SLCO1B3: variants seen among roughly 807,000 people sequenced by gnomAD.
SLCO1B3 encodes solute carrier organic anion transporter family member 1B3.
In SLCO1B3, 72 loss-of-function variants were observed where a neutral mutation model predicts 71.8. The observed-to-expected ratio is 1.00, with a 90% CI of 0.83 to 1.22. SLCO1B3 has a LOEUF of 1.22. Ranked by LOEUF, SLCO1B3 falls within the 50% of genes most tolerant of loss-of-function variation. SLCO1B3 has a pLI of 0.00. For missense variants in SLCO1B3, 911 were observed against 819.7 expected (o/e 1.11, Z -1.36); for synonymous variants, 298 against 278.4 (o/e 1.07, Z -0.70).
chr12:20,856,366 T>C (rs926805126), intron 4 of SLCO1B3, among the ~76,000 whole-genome samples: 4 of 152,140 alleles, frequency 2.6e-5, no homozygotes, highest in Admixed American at 2.0e-4. Flanking sequence ...CACCCACGGA[T>C]GCAAGTCACA....
At chr12:20,890,875 C>A (rs770785926) in intron 13 of SLCO1B3, among the ~76,000 whole-genome samples, 1 of 152,018 alleles carries the variant, frequency 6.6e-6, no homozygotes, top group African/African-American at 2.4e-5. Context: ...TCTTTTTGCA[C>A]CCCTTTGGTT....
intron 9 of SLCO1B3, among the ~76,000 whole-genome samples, chr12:20,876,944 C>T (rs539032743): frequency 6.6e-6 from 1 of 152,082 alleles, no homozygotes; most frequent in Non-Finnish European, 1.5e-5. Context: ...AATTCTCCTG[C>T]CTCAGCCTCC....
chr12:20,896,077 C>G (rs981451571), intron 13 of SLCO1B3, among the ~76,000 whole-genome samples: 3 of 152,190 alleles, frequency 2.0e-5, no homozygotes, highest in Admixed American at 6.5e-5. Context: ...CTGCACATAG[C>G]ACAGGGACCC....
At chr12:20,912,307 TTATTTATTTA>T (rs1311160784) in intron 15 of SLCO1B3, among the ~76,000 whole-genome samples, 2 of 14,602 alleles carry the variant, frequency 1.4e-4, no homozygotes, top group Non-Finnish European at 5.6e-3. Context: ...TTATTTTTAT[TTATTTATTTA>T]TTTATTTATT....
chr12:20,848,639 A>G (rs1468189082), intron 3 of SLCO1B3, among the ~76,000 whole-genome samples: 1 of 152,052 alleles, frequency 6.6e-6, no homozygotes. Context: ...AAACAATGTA[A>G]TTTTTTTTAG....
chr12:20,844,188 A>G (rs1399844643), intron 3 of SLCO1B3, among the ~76,000 whole-genome samples: 2 of 152,020 alleles, frequency 1.3e-5, no homozygotes, highest in Non-Finnish European at 2.9e-5. Flanking sequence ...TGTATACCTT[A>G]AACTTAAAGA....
intron 3 of SLCO1B3, among the ~76,000 whole-genome samples, chr12:20,841,736 C>T (rs1864806804): frequency 6.6e-6 from 1 of 152,156 alleles, no homozygotes; most frequent in Non-Finnish European, 1.5e-5. Flanking sequence ...CTACCCTCCA[C>T]CCTCAAGTAG....
At chr12:20,895,167 A>G (rs1865980301) in intron 13 of SLCO1B3, among the ~76,000 whole-genome samples, 1 of 152,162 alleles carries the variant, frequency 6.6e-6, no homozygotes, top group Admixed American at 6.5e-5. Context: ...GGGGACACAG[A>G]GCCAAACCAT....
intron 13 of SLCO1B3, among the ~76,000 whole-genome samples, chr12:20,896,576 A>G (rs1287536168): frequency 6.6e-6 from 1 of 152,162 alleles, no homozygotes; most frequent in Non-Finnish European, 1.5e-5. Flanking sequence ...TATTGTCCAT[A>G]TCACTATCAG....
At chr12:20,839,041 C>T (rs541125059) in intron 3 of SLCO1B3, among the ~76,000 whole-genome samples, 4 of 152,064 alleles carry the variant, frequency 2.6e-5, no homozygotes, top group African/African-American at 9.6e-5. Context: ...TTTCAAATTA[C>T]ACCATACTGC....
At chr12:20,893,889 C>A (rs901620815) in intron 13 of SLCO1B3, among the ~76,000 whole-genome samples, 1 of 152,034 alleles carries the variant, frequency 6.6e-6, no homozygotes, top group Non-Finnish European at 1.5e-5. Flanking sequence ...ATTGAAAAGG[C>A]CCAAAGGAGG....
At chr12:20,841,881 G>A (rs1864811068) in intron 3 of SLCO1B3, among the ~76,000 whole-genome samples, 1 of 105,578 alleles carries the variant, frequency 9.5e-6, no homozygotes, top group Admixed American at 1.4e-4. Flanking sequence ...ATTGTTGGAT[G>A]TAGTTTTTTT....
chr12:20,848,388 A>G (rs935007028), intron 3 of SLCO1B3, among the ~76,000 whole-genome samples: 2 of 152,182 alleles, frequency 1.3e-5, no homozygotes, highest in African/African-American at 2.4e-5. Context: ...GCTGGTAGGA[A>G]TGCAAAATGG....
intron 1 of SLCO1B3, among the ~76,000 whole-genome samples, chr12:20,811,367 A>T (rs1332207260): frequency 6.6e-6 from 1 of 152,180 alleles, no homozygotes; most frequent in East Asian, 1.9e-4. Flanking sequence ...CTCAATAAAT[A>T]ATGGTCCCCT....
At chr12:20,911,463 A>G (rs1866373952) in intron 15 of SLCO1B3, among the ~76,000 whole-genome samples, 1 of 152,190 alleles carries the variant, frequency 6.6e-6, no homozygotes, top group Non-Finnish European at 1.5e-5. Flanking sequence ...CATAGGAGAC[A>G]GGAAGTATTC....
intron 3 of SLCO1B3, among the ~76,000 whole-genome samples, chr12:20,838,946 A>G (rs561636918): frequency 1.3e-5 from 2 of 151,784 alleles, no homozygotes; most frequent in East Asian, 1.9e-4. Flanking sequence ...CTCCTTTCTT[A>G]GCATATTTGT....
intron 4 of SLCO1B3, among the ~76,000 whole-genome samples, chr12:20,856,265 A>G (rs1865133872): frequency 6.6e-6 from 1 of 152,174 alleles, no homozygotes; most frequent in East Asian, 1.9e-4. Context: ...TCTTACCTCT[A>G]TTTCTTGAAT....
intron 3 of SLCO1B3, among the ~76,000 whole-genome samples, chr12:20,821,294 C>T (rs28811026): frequency 0.45 from 68,067 of 151,946 alleles, 17,655 homozygotes; most frequent in South Asian, 0.64. Flanking sequence ...TTGAAAGTGC[C>T]GTTTTTCTGG....
At position 20,916,465 on chromosome 12, in the gene SLCO1B3, TGTGTGATACAATAAAAA is replaced by T. The variant is rs1460441852; in HGVS notation, c.*221_*237del. On this transcript the variant is annotated 3_prime_UTR_variant, in exon 16 of 16. Transcript: ENST00000381545. ...AATTTAAAGTGAGAGGCATGGTTAG[TGTGTGATACAATAAAAA>T]GTAATTGTTTGGTAGTTGTAACTGC... 8.9e-5 allele frequency: 34 copies of T among 380,690 alleles called. No individual in the cohort carries two copies. The highest frequency in any genetic ancestry group is 7.3e-4 in the Middle Eastern group (1 of 1,372). 23.6% of individuals were successfully genotyped at this position (380,690 alleles called of 1,614,324 possible). A position where few individuals can be genotyped will look rare whatever the true frequency, so the allele number is the denominator to read the frequency against.
Sources: gnomAD v4.1 joint callset for allele counts (sites outside exome capture counted in the v4.1 genomes callset) on GRCh38, gnomAD v4.1.1 for gene constraint, MANE v1.5 for transcripts, NCBI Gene and HGNC (gene_info 2026-07-23, HGNC 2026-07-21) for gene names.